The following TCOF1 variants were observed in gnomAD, a reference collection of about 807,000 sequenced individuals.
The protein encoded by TCOF1 is treacle ribosome biogenesis factor 1.
TCOF1 carries 33 observed loss-of-function variants against 149.0 expected under a neutral mutation model. That is an observed-to-expected ratio of 0.22 (90% CI 0.17 to 0.30). TCOF1 has a LOEUF of 0.30. Ranked by LOEUF, TCOF1 falls within the 10% of genes least tolerant of loss-of-function variation. The probability of loss-of-function intolerance (pLI) is 1.00; values close to 1 mark genes in which losing one functional copy is unlikely to be tolerated. For synonymous variants in TCOF1, 789 were observed against 738.8 expected, an observed-to-expected ratio of 1.07 and a Z score of -1.10; for missense variants, 1,728 against 1,840.7, an observed-to-expected ratio of 0.94 and a Z score of 1.12.
intron 7 of TCOF1, among the ~76,000 whole-genome samples, chr5:150,372,653 G>A (rs545045097): frequency 6.6e-6 from 1 of 152,214 alleles, no homozygotes; most frequent in African/African-American, 2.4e-5. Context: ...GGCAAGACAG[G>A]GGGGCTGGAA....
chr5:150,379,294 A>G lies in TCOF1; in HGVS notation c.2544A>G (p.Pro848=), dbSNP rs907347729. 5.6e-6 allele frequency: 9 copies of G among 1,614,116 alleles called. No homozygotes were observed. Among genetic ancestry groups the G allele is most frequent in the Non-Finnish European group, 5.9e-6 (7 of 1,180,036 alleles). ...TVLARGPASV[P]SVGKAVATAA... is the part of the protein sequence containing the mutation. ...TGGCGAGGGGCCCAGCATCTGTGCC[A>G]TCTGTGGGGAAGGCCGTGGCTACAG... Residue 848 remains proline, a synonymous_variant, in exon 16 of 27, where the codon CCA becomes CCG. Transcript: ENST00000643257.
chr5:150,399,187 G>A (rs1351929285), intron 26 of TCOF1, 117 bp downstream of exon 26: 1 of 1,441,032 alleles, frequency 6.9e-7, no homozygotes, highest in Non-Finnish European at 9.7e-7. Context: ...AGGAGGCTGG[G>A]GAAAGAGGTT....
Position 150,379,635 on chromosome 5 carries a change from C to T in TCOF1, c.2762C>T (p.Pro921Leu), listed in dbSNP as rs150515843. 9.4e-4 allele frequency: 1,516 copies of T among 1,614,178 alleles called. 12 individuals carry two copies. In the African/African-American group the frequency reaches 0.017, roughly 19 times the overall value. The part of the protein sequence containing the change: ...AAPTPPGKTG[P>L]SAAQAGKQDD... ...CCAACACCTCCTGGGAAGACAGGGC[C>T]TTCGGCTGCCCAGGCAGGGAAGCAG... The change falls in exon 17 of 27, where the codon CCT (proline) becomes CTT (leucine). Residue 921 changes from proline to leucine, a missense_variant. By Grantham distance (98) the Pro-to-Leu change is moderately conservative (BLOSUM62 -3). Transcript: ENST00000643257.
At chr5:150,395,282 C>T (rs568989587) in intron 23 of TCOF1, among the ~76,000 whole-genome samples, 109 of 152,350 alleles carry the variant, frequency 7.2e-4, no homozygotes, top group Non-Finnish European at 1.1e-3. Context: ...TCCAGGCAAA[C>T]ACCTCCAGGA....
At chr5:150,398,498 C>T in intron 25 of TCOF1, 47 bp downstream of exon 25, 4 of 1,613,144 alleles carry the variant, frequency 2.5e-6, no homozygotes, top group Non-Finnish European at 3.4e-6. Context: ...GACCCAAACC[C>T]AAGCCCCCTC....
In TCOF1 at chr5:150,393,573, G is replaced by A. The variant is rs551357762; in HGVS notation, c.3784+21G>A. On this transcript the variant is annotated intron_variant, in intron 23 of 26. Transcript: ENST00000643257. ...AACAGGTAAGTTAAGGTCTGCAGGA[G>A]GGACATAGCAGGACACAGAGGGACA... 4 of 1,614,118 alleles carry A rather than the reference G, an allele frequency of 2.5e-6. No homozygotes were observed. The East Asian group carries it at 6.7e-5, about 27-fold the overall frequency.
At chr5:150,366,498 A>G (rs1761380979) in intron 3 of TCOF1, among the ~76,000 whole-genome samples, 1 of 152,234 alleles carries the variant, frequency 6.6e-6, no homozygotes, top group African/African-American at 2.4e-5. Context: ...AAGATTGGTC[A>G]CAAGTTGTTA....
At chr5:150,379,168 G>A in intron 15 of TCOF1, 61 bp from the exon 16 acceptor site, 3 of 1,614,082 alleles carry the variant, frequency 1.9e-6, no homozygotes, top group Non-Finnish European at 2.5e-6. Context: ...TGCCATAGTG[G>A]GGAGTGGGAC....
intron 2 of TCOF1, among the ~76,000 whole-genome samples, chr5:150,363,343 A>C (rs1275174102): frequency 6.6e-6 from 1 of 152,216 alleles, no homozygotes; most frequent in Non-Finnish European, 1.5e-5. Context: ...ATGACAGAGC[A>C]GAGTCCATCG....
intron 24 of TCOF1, among the ~76,000 whole-genome samples, chr5:150,397,694 A>G (rs963104980): frequency 2.6e-5 from 4 of 152,206 alleles, no homozygotes; most frequent in Non-Finnish European, 5.9e-5. Flanking sequence ...GGGCACCCTC[A>G]GAGCAGGACT....
chr5:150,364,395 G>A, intron 3 of TCOF1, 143 bp downstream of exon 3: 1 of 1,282,014 alleles, frequency 7.8e-7, no homozygotes, highest in Non-Finnish European at 1.1e-6. Flanking sequence ...ATCTTTGGCA[G>A]TATTTGAGCC....
At chr5:150,378,367 C>T (rs570018614) in intron 14 of TCOF1, among the ~76,000 whole-genome samples, 3 of 152,210 alleles carry the variant, frequency 2.0e-5, no homozygotes, top group African/African-American at 7.2e-5. Context: ...CTCTGGATAT[C>T]GGTTAAGGCT....
In TCOF1 at chr5:150,369,608, T is replaced by G. The variant is rs375076991; in HGVS notation, c.639+6T>G. On this transcript the variant is annotated splice_donor_region_variant and intron_variant, in intron 6 of 26. Coordinates refer to ENST00000643257, the MANE Select transcript of TCOF1 (RefSeq NM_001371623.1). ...GTGATGAGACAGACGTGGAGGTAATTGCCACCCATCCCTAGGAGTTGCCCT... is the reference window on the plus strand; with the variant it reads ...GTGATGAGACAGACGTGGAGGTAATGGCCACCCATCCCTAGGAGTTGCCCT... 5.6e-6 allele frequency: 9 copies of G among 1,613,918 alleles called. No individual in the cohort carries two copies. Among genetic ancestry groups the G allele is most frequent in the Non-Finnish European group, 7.6e-6 (9 of 1,180,000 alleles).
rs141011476 is a variant in TCOF1, at chr5:150,382,976, C to T, written c.2859+3244C>T. On this transcript the variant is annotated intron_variant, in intron 17 of 26. Coordinates refer to ENST00000643257, the MANE Select transcript of TCOF1 (RefSeq NM_001371623.1). ...CTGCCTCCCCTGGAAACCAGAGTGC[C>T]TGAGGGTCATTGCCTACTGGCTGTT... 1.2e-3 allele frequency: 1,315 copies of T among 1,125,428 alleles called. 2 individuals carry two copies. The highest frequency in any genetic ancestry group is 1.6e-3 in the Middle Eastern group (8 of 5,058). The allele number at this position is 1,125,428 out of a possible 1,614,324, so 69.7% of individuals were successfully genotyped here.
chr5:150,393,668 C>T, intron 23 of TCOF1, 116 bp downstream of exon 23: 5 of 1,390,918 alleles, frequency 3.6e-6, no homozygotes, highest in Non-Finnish European at 4.0e-6. Flanking sequence ...GCCCCCAGAG[C>T]CTCTCCAAGT....
intron 21 of TCOF1, 73 bp downstream of exon 21, chr5:150,392,249 T>A (rs1368146827): frequency 4.0e-6 from 6 of 1,489,068 alleles, no homozygotes; most frequent in Non-Finnish European, 5.5e-6. Flanking sequence ...GCCATAGCTC[T>A]GGCCTCAGCT....
At chr5:150,378,069 C>T (rs920293116) in intron 14 of TCOF1, among the ~76,000 whole-genome samples, 8 of 152,130 alleles carry the variant, frequency 5.3e-5, no homozygotes, top group African/African-American at 1.2e-4. Flanking sequence ...ATGAGCACCT[C>T]GGCCTGAGTC....
At chr5:150,390,115 T>C in intron 19 of TCOF1, 92 bp downstream of exon 19, 1 of 1,536,820 alleles carries the variant, frequency 6.5e-7, no homozygotes, top group Non-Finnish European at 8.8e-7. Context: ...TGGCCTGCAA[T>C]TGCTGTCACG....
rs967147691 is a variant in TCOF1, at chr5:150,364,806, A to G, written c.304+554A>G. 5 of 156,932 alleles carry G rather than the reference A, an allele frequency of 3.2e-5. No individual in the cohort carries two copies. In the South Asian group the frequency reaches 9.3e-4, roughly 29 times the overall value. 9.7% of individuals were successfully genotyped at this position (156,932 alleles called of 1,614,324 possible). A position where few individuals can be genotyped will look rare whatever the true frequency, so the allele number is the denominator to read the frequency against. ...CCTTGTACTTTCCCCAACAGCAGCC[A>G]TAACTCTACAGAGGAATTGCTGTGT... On this transcript the variant is annotated intron_variant, in intron 3 of 26. Coordinates refer to ENST00000643257, the MANE Select transcript of TCOF1 (RefSeq NM_001371623.1).
Sources: gnomAD v4.1 joint callset for allele counts (sites outside exome capture counted in the v4.1 genomes callset) on GRCh38, gnomAD v4.1.1 for gene constraint, MANE v1.5 for transcripts, NCBI Gene and HGNC (gene_info 2026-07-23, HGNC 2026-07-21) for gene names.